Variants in EIF4B observed in about 807,000 individuals in gnomAD.
EIF4B encodes eukaryotic translation initiation factor 4B.
A neutral mutation model predicts 79.3 loss-of-function variants in EIF4B; 8 were observed. The ratio of observed to expected loss-of-function variants is 0.10; its 90% CI spans 0.06 to 0.18. EIF4B has a LOEUF of 0.18. EIF4B is among the 10% of genes least tolerant of loss of function. The probability of loss-of-function intolerance (pLI) is 1.00; values close to 1 mark genes in which losing one functional copy is unlikely to be tolerated. For missense variants in EIF4B, 515 were observed against 792.4 expected (o/e 0.65, Z 4.20); for synonymous variants, 238 against 274.7 (o/e 0.87, Z 1.32).
chr12:53,022,031 T>A (rs774996036), intron 5 of EIF4B, 171 bp downstream of exon 5: 12 of 733,608 alleles, frequency 1.6e-5, no homozygotes, highest in Admixed American at 2.6e-5. Flanking sequence ...GAAGACATTG[T>A]AGTTGTCACA....
intron 8 of EIF4B, among the ~76,000 whole-genome samples, chr12:53,031,315 G>A (rs1425986646): frequency 2.0e-5 from 3 of 152,136 alleles, no homozygotes; most frequent in South Asian, 4.2e-4. Context: ...TCACTCTGTC[G>A]CCCAGGCTAG....
chr12:53,040,069 C>A, intron 14 of EIF4B, 74 bp from the exon 15 acceptor site: 1 of 1,538,852 alleles, frequency 6.5e-7, no homozygotes, highest in South Asian at 1.1e-5. Flanking sequence ...GCCAAAGGAT[C>A]AGTATCCTGT....
At chr12:53,037,286 G>C in intron 10 of EIF4B, 123 bp from the exon 11 acceptor site, 1 of 1,020,660 alleles carries the variant, frequency 9.8e-7, no homozygotes, top group Non-Finnish European at 1.4e-6. Flanking sequence ...CACTGGTTTA[G>C]GGATAAATCC....
intron 6 of EIF4B, among the ~76,000 whole-genome samples, chr12:53,027,123 C>CAA (rs1001491962): frequency 1.1e-4 from 9 of 80,534 alleles, no homozygotes; most frequent in African/African-American, 3.4e-4. Context: ...GACTGTCTCT[C>CAA]AAAAAAAAAA....
intron 8 of EIF4B, among the ~76,000 whole-genome samples, chr12:53,029,080 G>A (rs1379400104): frequency 1.3e-5 from 2 of 150,214 alleles, no homozygotes; most frequent in East Asian, 2.0e-4. Context: ...AGCTGAGATC[G>A]CACCACTGCA....
At chr12:53,027,330 C>T (rs558498884) in intron 6 of EIF4B, among the ~76,000 whole-genome samples, 1 of 151,258 alleles carries the variant, frequency 6.6e-6, no homozygotes, top group South Asian at 2.1e-4. Flanking sequence ...GACGGGGTTT[C>T]ACCATGTTGG....
intron 2 of EIF4B, among the ~76,000 whole-genome samples, chr12:53,017,586 A>G (rs1193042107): frequency 1.3e-5 from 2 of 152,122 alleles, no homozygotes; most frequent in Non-Finnish European, 1.5e-5. Flanking sequence ...ACCTGTTTTC[A>G]TAATTCCTAA....
At chr12:53,015,692 A>AG (rs1431089330) in intron 1 of EIF4B, among the ~76,000 whole-genome samples, 1 of 146,856 alleles carries the variant, frequency 6.8e-6, no homozygotes, top group Admixed American at 6.8e-5. Context: ...AAAAAAAAAA[A>AG]TGGGGCCGGG....
At chr12:53,030,439 G>GTTTTTTTTTTTTTTTTTTTTTTT (rs1943419532) in intron 8 of EIF4B, among the ~76,000 whole-genome samples, 1 of 6,742 alleles carries the variant, frequency 1.5e-4, no homozygotes, top group Non-Finnish European at 1.2e-3. Context: ...TTTTTTTTTT[G>GTTTTTTTTTTTTTTTTTTTTTTT]AGACGGAGTC....
At chr12:53,039,920 C>A in intron 14 of EIF4B, 2 of 738,982 alleles carry the variant, frequency 2.7e-6, no homozygotes, top group Non-Finnish European at 4.4e-6. Context: ...CCTTTGTTCT[C>A]ATCCCTTCTG....
At chr12:53,032,169 G>T (rs796842850) in intron 8 of EIF4B, among the ~76,000 whole-genome samples, 13 of 152,262 alleles carry the variant, frequency 8.5e-5, no homozygotes, top group African/African-American at 2.6e-4. Context: ...TCCTGGCTGG[G>T]CGTGGTGGCT....
At chr12:53,030,640 G>C (rs898963832) in intron 8 of EIF4B, among the ~76,000 whole-genome samples, 2 of 151,604 alleles carry the variant, frequency 1.3e-5, no homozygotes, top group Non-Finnish European at 2.9e-5. Flanking sequence ...TGGATCTCTT[G>C]ACCTTGTGAT....
chr12:53,027,808 C>CGGTATCGGGATGGGTATCGGGATG lies in EIF4B; in HGVS notation c.708_731dup (p.Tyr237_Gly244dup), dbSNP rs577970499. On this transcript the variant is annotated inframe_insertion, in exon 7 of 15. Coordinates refer to ENST00000262056, the MANE Select transcript of EIF4B (RefSeq NM_001417.7). ...GTATCGAGATCGTTATGATTCAGACCGGTATCGGGATGGGTATCGGGATGG... is the reference window on the plus strand; with the variant it reads ...GTATCGAGATCGTTATGATTCAGACCGGTATCGGGATGGGTATCGGGATGGGTATCGGGATGGGTATCGGGATGG... The CGGTATCGGGATGGGTATCGGGATG allele has an allele frequency of 6.2e-7, 1 of 1,613,408 alleles. No homozygotes were observed. Among genetic ancestry groups the CGGTATCGGGATGGGTATCGGGATG allele is most frequent in the Non-Finnish European group, 8.5e-7 (1 of 1,179,962 alleles).
rs568784226 is a variant in EIF4B, at chr12:53,041,653, G to A, written c.*1430G>A. ...GATCAGCTTGGTAGACAGTATTAGC[G>A]GAGAAACACCTTGATCTTGGTTTGC... On this transcript the variant is annotated 3_prime_UTR_variant, in exon 15 of 15. Coordinates refer to ENST00000262056, the MANE Select transcript of EIF4B (RefSeq NM_001417.7). 4.6e-5 allele frequency: 7 copies of A among 152,264 alleles called. No homozygotes were observed. The highest frequency in any genetic ancestry group is 4.1e-4 in the South Asian group (2 of 4,826). 9.4% of individuals were successfully genotyped at this position (152,264 alleles called of 1,614,324 possible). A position where few individuals can be genotyped will look rare whatever the true frequency, so the allele number is the denominator to read the frequency against.
At chr12:53,031,212 T>C (rs1943440058) in intron 8 of EIF4B, among the ~76,000 whole-genome samples, 1 of 152,236 alleles carries the variant, frequency 6.6e-6, no homozygotes, top group African/African-American at 2.4e-5. Flanking sequence ...AGTTTCCCCA[T>C]GGCCTGGAAC....
intron 8 of EIF4B, among the ~76,000 whole-genome samples, chr12:53,032,901 T>C (rs4919721): frequency 0.82 from 124,565 of 151,996 alleles, 53,137 homozygotes; most frequent in East Asian, 0.97. Flanking sequence ...GAACTCCTGA[T>C]CTCAGGTGAT....
At chr12:53,033,007 A>T (rs529980010) in intron 8 of EIF4B, among the ~76,000 whole-genome samples, 38 of 149,152 alleles carry the variant, frequency 2.5e-4, no homozygotes, top group Admixed American at 2.3e-3. Context: ...TTTTATTTTT[A>T]TTTATTTTTA....
chr12:53,038,270 C>A, intron 11 of EIF4B, 86 bp from the exon 12 acceptor site: 1 of 1,203,238 alleles, frequency 8.3e-7, no homozygotes, highest in Non-Finnish European at 1.2e-6. Context: ...ATAAAGCTTA[C>A]CCACTGCATT....
chr12:53,033,693 A>G (rs1325901652), intron 8 of EIF4B, 113 bp from the exon 9 acceptor site: 1 of 1,201,214 alleles, frequency 8.3e-7, no homozygotes, highest in Non-Finnish European at 1.2e-6. Flanking sequence ...TGGTTAGGCC[A>G]CTAACTTGAA....
Sources: gnomAD v4.1 joint callset for allele counts (sites outside exome capture counted in the v4.1 genomes callset) on GRCh38, gnomAD v4.1.1 for gene constraint, MANE v1.5 for transcripts, NCBI Gene and HGNC (gene_info 2026-07-23, HGNC 2026-07-21) for gene names.